The following CLEC10A variants were observed in gnomAD, a reference collection of about 807,000 sequenced individuals.
CLEC10A encodes the protein C-type lectin domain family 10 member A.
A neutral mutation model predicts 42.0 loss-of-function variants in CLEC10A; 38 were observed. That is an observed-to-expected ratio of 0.90 (90% CI 0.70 to 1.18). The LOEUF is 1.18. CLEC10A is among the 50% of genes most tolerant of loss of function. The pLI is 0.00. For synonymous variants in CLEC10A, 126 were observed against 139.9 expected, an observed-to-expected ratio of 0.90 and a Z score of 0.70; for missense variants, 298 against 345.9, an observed-to-expected ratio of 0.86 and a Z score of 1.10.
Position 7,078,763 on chromosome 17 carries a change from A to G in CLEC10A, c.50T>C (p.Val17Ala). The change falls in exon 2 of 9, where the codon GTC becomes GCC. Residue 17 changes from valine (V) to alanine (A), a missense_variant. Physicochemically the swap from Val to Ala is moderately conservative, Grantham distance 64. Around this residue, in one of 3 missense-constraint regions of CLEC10A, gnomAD observed 27 missense variants for 37.0 expected, o/e 0.73. Coordinates refer to ENST00000416562, the MANE Select transcript of CLEC10A (RefSeq NM_001330070.2). The part of the protein sequence containing the change: ...NFQYLENKVK[V>A]QGFKNGPLPL... ...CCTCTTACCATTTTTAAACCCCTGG[A>G]CTTTCACCTTATTCTCCAAGTACTG... 2 of 1,614,144 alleles carry G rather than the reference A, an allele frequency of 1.2e-6. No individual in the cohort carries two copies. Among genetic ancestry groups the G allele is most frequent in the Non-Finnish European group, 1.7e-6 (2 of 1,180,006 alleles).
In CLEC10A at chr17:7,075,009, CT is replaced by C. The variant is rs774512949; in HGVS notation, c.*44del. On this transcript the variant is annotated 3_prime_UTR_variant, in exon 9 of 9. Coordinates refer to ENST00000416562, the MANE Select transcript of CLEC10A (RefSeq NM_001330070.2). ...CGAGGAGGTCGTGAGAAGAGTCCTC[CT>C]CCCACCGCCATTTCTGTGGCCGGGT... 1 of 1,482,868 alleles carries C rather than the reference CT, an allele frequency of 6.7e-7. No homozygotes were observed. The highest frequency in any genetic ancestry group is 1.4e-5 in the South Asian group (1 of 70,740). 91.9% of individuals were successfully genotyped at this position (1,482,868 alleles called of 1,614,324 possible).
At chr17:7,077,890 C>T in intron 3 of CLEC10A, 107 bp downstream of exon 3, 2 of 835,984 alleles carry the variant, frequency 2.4e-6, no homozygotes, top group Admixed American at 1.8e-5. Context: ...TGCATTGCTC[C>T]TACTGTGGAC....
At position 7,074,900 on chromosome 17, in the gene CLEC10A, T is replaced by G; in HGVS notation, c.*154A>C. ...AAAGCTTAAGAACACTATACCATCT[T>G]TTTAAAATTAAAGAGAAAAAAATTC... On this transcript the variant is annotated 3_prime_UTR_variant, in exon 9 of 9. Coordinates refer to ENST00000416562, the MANE Select transcript of CLEC10A (RefSeq NM_001330070.2). The G allele has an allele frequency of 1.9e-6, 1 of 522,906 alleles. No individual in the cohort carries two copies. Among genetic ancestry groups the G allele is most frequent in the Non-Finnish European group, 3.1e-6 (1 of 321,984 alleles). 32.4% of individuals were successfully genotyped at this position (522,906 alleles called of 1,614,324 possible). A position where few individuals can be genotyped will look rare whatever the true frequency, so the allele number is the denominator to read the frequency against.
Position 7,075,200 on chromosome 17 carries a change from C to A in CLEC10A, c.724G>T (p.Asp242Tyr). 6.5e-7 allele frequency: 1 copy of A among 1,547,182 alleles called. No individual in the cohort carries two copies. Among genetic ancestry groups the A allele is most frequent in the Non-Finnish European group, 8.7e-7 (1 of 1,150,280 alleles). ...GFQNWKPGQP[D>Y]DWQGHGLGGG... is the part of the protein sequence containing the mutation. ...CCCAGCCCGTGCCCCTGCCAGTCGT[C>A]TGGCTGGCCTGGCTTCCAGTTCCTG... The change falls in exon 9 of 9, where the codon GAC becomes TAC. Residue 242 changes from aspartate to tyrosine, a missense_variant. Physicochemically the swap from Asp to Tyr is radical, Grantham distance 160. This residue lies in a region of CLEC10A where 267 missense variants were observed against 289.5 expected (regional missense o/e 0.92). Transcript: ENST00000416562.
At chr17:7,078,654 C>T in intron 2 of CLEC10A, 92 bp downstream of exon 2, 1 of 1,256,574 alleles carries the variant, frequency 8.0e-7, no homozygotes, top group South Asian at 1.2e-5. Flanking sequence ...TAGGACCCAC[C>T]AGTGCGCGTG....
In CLEC10A at chr17:7,078,866, G is replaced by A; in HGVS notation, c.-54C>T. 2 of 1,574,528 alleles carry A rather than the reference G, an allele frequency of 1.3e-6. No individual in the cohort carries two copies. Among genetic ancestry groups the A allele is most frequent in the Non-Finnish European group, 1.7e-6 (2 of 1,143,810 alleles). On this transcript the variant is annotated 5_prime_UTR_variant, in exon 2 of 9. Transcript: ENST00000416562. ...CACAGCTGAAATGGAGGCAGGGCCG[G>A]CGCCCAGTCTGGGGTGGAGCTGGGG...
intron 1 of CLEC10A, among the ~76,000 whole-genome samples, chr17:7,079,778 G>A (rs912218808): frequency 4.6e-5 from 7 of 151,618 alleles, no homozygotes; most frequent in African/African-American, 1.2e-4. Flanking sequence ...AGGCCGTCTC[G>A]GCTCACTGCA....
rs2151683969 is a variant in CLEC10A at position 7,075,816 on chromosome 17, T to C, written c.509A>G (p.His170Arg). 1 of 1,613,962 alleles carries C rather than the reference T, an allele frequency of 6.2e-7. No homozygotes were observed. Residue 170 changes from histidine to arginine, a missense_variant, in exon 7 of 9, where the codon CAC becomes CGC. By Grantham distance (29) the His-to-Arg change is conservative. Around this residue, in one of 3 missense-constraint regions of CLEC10A, gnomAD observed 267 missense variants for 289.5 expected, o/e 0.92. Coordinates refer to ENST00000416562, the MANE Select transcript of CLEC10A (RefSeq NM_001330070.2). ...AGCCTCGGCCCAGGACATCCCAGAG[T>C]GAGAGAACCAGTAGCAGCTGTCTTG... Reference protein sequence around the residue: ...EHQDSCYWFSHSGMSWAEAEK... With the variant: ...EHQDSCYWFSRSGMSWAEAEK...
intron 3 of CLEC10A, 74 bp from the exon 4 acceptor site, chr17:7,077,061 A>T: frequency 9.4e-7 from 1 of 1,059,722 alleles, no homozygotes; most frequent in Non-Finnish European, 1.5e-6. Context: ...AGGGCCCTCC[A>T]TAAGCATTGC....
In CLEC10A at chr17:7,074,763, A is replaced by C; in HGVS notation, c.*291T>G. Reference sequence around the variant, plus strand: ...ATCTATTGCGATCGGAGTGGTAGTCACCTAGGCATGCATATTTGTCAAAGT... The same window carrying C: ...ATCTATTGCGATCGGAGTGGTAGTCCCCTAGGCATGCATATTTGTCAAAGT... On this transcript the variant is annotated 3_prime_UTR_variant, in exon 9 of 9. Transcript: ENST00000416562. 4.1e-6 allele frequency: 1 copy of C among 243,056 alleles called. No homozygotes were observed. The allele number at this position is 243,056 out of a possible 1,614,324, so 15.1% of individuals were successfully genotyped here.
chr17:7,076,563 C>G (rs576376335), intron 5 of CLEC10A, among the ~76,000 whole-genome samples, 170 bp downstream of exon 5: 1 of 151,988 alleles, frequency 6.6e-6, no homozygotes, highest in Non-Finnish European at 1.5e-5. Context: ...CCACCCGCCT[C>G]GGCCTCCCAA....
At position 7,076,640 on chromosome 17, in the gene CLEC10A, A is replaced by G. The variant is rs879848896; in HGVS notation, c.352+93T>C. On this transcript the variant is annotated intron_variant, in intron 5 of 8. Transcript: ENST00000416562. ...ATGCTGCCTTTCAAGCTGCTGGCTGAAGGGGAGGGCAGTTCAGCACCAGGA... is the reference window on the plus strand; with the variant it reads ...ATGCTGCCTTTCAAGCTGCTGGCTGGAGGGGAGGGCAGTTCAGCACCAGGA... 26 of 1,391,362 alleles carry G rather than the reference A, an allele frequency of 1.9e-5. 1 individual carries two copies. The highest frequency in any genetic ancestry group is 2.7e-5 in the Non-Finnish European group (26 of 979,152). The allele number at this position is 1,391,362 out of a possible 1,614,324, so 86.2% of individuals were successfully genotyped here.
rs527762535 is a variant in CLEC10A, at chr17:7,075,767, G to A, written c.558C>T (p.Asn186=). Residue 186 remains asparagine, a synonymous_variant, in exon 7 of 9, where the codon AAC becomes AAT. Coordinates refer to ENST00000416562, the MANE Select transcript of CLEC10A (RefSeq NM_001330070.2). Reference sequence around the variant, plus strand: ...TGGAGTTGATGACCACCAGGTGGGCGTTCTTCAGCTGGCAGTACTTCTCAG... The same window carrying A: ...TGGAGTTGATGACCACCAGGTGGGCATTCTTCAGCTGGCAGTACTTCTCAG... The part of the protein sequence containing the change: ...AEAEKYCQLK[N]AHLVVINSRE... 8 of 1,614,196 alleles carry A rather than the reference G, an allele frequency of 5.0e-6. No homozygotes were observed. Among genetic ancestry groups the A allele is most frequent in the African/African-American group, 2.7e-5 (2 of 75,060 alleles).
In CLEC10A at chr17:7,078,866, G is replaced by C; in HGVS notation, c.-54C>G. On this transcript the variant is annotated 5_prime_UTR_variant, in exon 2 of 9. Coordinates refer to ENST00000416562, the MANE Select transcript of CLEC10A (RefSeq NM_001330070.2). ...CACAGCTGAAATGGAGGCAGGGCCG[G>C]CGCCCAGTCTGGGGTGGAGCTGGGG... The C allele has an allele frequency of 1.3e-6, 2 of 1,574,528 alleles. No individual in the cohort carries two copies. The highest frequency in any genetic ancestry group is 2.2e-5 in the South Asian group (2 of 90,328).
rs1257500051 is a variant in CLEC10A at position 7,075,360 on chromosome 17, T to C, written c.701A>G (p.Gln234Arg). 2.6e-6 allele frequency: 4 copies of C among 1,515,102 alleles called. No homozygotes were observed. The East Asian group carries it at 9.1e-5, about 35-fold the overall frequency. The allele number at this position is 1,515,102 out of a possible 1,614,324, so 93.9% of individuals were successfully genotyped here. ...VDGTDYATGF[Q>R]NWKPGQPDDW... Reference sequence around the variant, plus strand: ...GCACAGAAAGCCAGGGTGCACTCACTGGAAGCCGGTCGCATAGTCTGTTCC... The same window carrying C: ...GCACAGAAAGCCAGGGTGCACTCACCGGAAGCCGGTCGCATAGTCTGTTCC... The change falls in exon 8 of 9, where the codon CAG (glutamine) becomes CGG (arginine). Residue 234 changes from glutamine (Q) to arginine (R), a missense_variant and splice_region_variant. Gln to Arg is a conservative substitution (Grantham distance 43). Around this residue, in one of 3 missense-constraint regions of CLEC10A, gnomAD observed 267 missense variants for 289.5 expected, o/e 0.92. Transcript: ENST00000416562.
intron 1 of CLEC10A, among the ~76,000 whole-genome samples, chr17:7,079,396 A>G (rs1912048597): frequency 1.3e-5 from 2 of 152,098 alleles, no homozygotes; most frequent in Admixed American, 1.3e-4. Context: ...CGGCCTGGCC[A>G]ACATGGTGAA....
chr17:7,077,597 GACCCCCAACCA>G (rs1911887850), intron 3 of CLEC10A, among the ~76,000 whole-genome samples: 1 of 60,040 alleles, frequency 1.7e-5, no homozygotes, highest in Non-Finnish European at 3.0e-5. Context: ...CTCCATCAGT[GACCCCCAACCA>G]TTCCCATCAA....
Position 7,075,778 on chromosome 17 carries a change from G to A in CLEC10A, c.547C>T (p.Gln183Ter). The change falls in exon 7 of 9, where the codon CAG (glutamine) becomes TAG (stop). Residue 183 changes from glutamine (Q) to a stop codon, truncating the protein, a stop_gained. Coordinates refer to ENST00000416562, the MANE Select transcript of CLEC10A (RefSeq NM_001330070.2). LOFTEE classifies it high-confidence loss of function. Reference sequence around the variant, plus strand: ...ACCACCAGGTGGGCGTTCTTCAGCTGGCAGTACTTCTCAGCCTCGGCCCAG... The same window carrying A: ...ACCACCAGGTGGGCGTTCTTCAGCTAGCAGTACTTCTCAGCCTCGGCCCAG... The part of the protein sequence containing the change: ...MSWAEAEKYC[Q>*]LKNAHLVVIN... The A allele has an allele frequency of 6.2e-7, 1 of 1,614,182 alleles. No individual in the cohort carries two copies. The highest frequency in any genetic ancestry group is 8.5e-7 in the Non-Finnish European group (1 of 1,180,042).
At chr17:7,078,907 C>G in intron 1 of CLEC10A, 22 bp from the exon 2 acceptor site, 3 of 1,190,022 alleles carry the variant, frequency 2.5e-6, no homozygotes, top group Non-Finnish European at 3.8e-6. Flanking sequence ...GAGGTTGGGA[C>G]TAAGTTGGAG....
Sources: gnomAD v4.1 joint callset for allele counts (sites outside exome capture counted in the v4.1 genomes callset) on GRCh38, gnomAD v4.1.1 for gene constraint, gnomAD v4.1.1 regional missense constraint, MANE v1.5 for transcripts, NCBI Gene and HGNC (gene_info 2026-07-23, HGNC 2026-07-21) for gene names.